POGLUT3: variants seen among roughly 807,000 people sequenced by gnomAD.
The protein encoded by POGLUT3 is protein O-glucosyltransferase 3.
In POGLUT3, 48 loss-of-function variants were observed where a neutral mutation model predicts 54.3. That is an observed-to-expected ratio of 0.88 (90% CI 0.70 to 1.12). The LOEUF (loss-of-function observed/expected upper bound fraction) is 1.12. POGLUT3 is among the 50% of genes most tolerant of loss of function. The pLI is 0.00. For synonymous variants in POGLUT3, 218 were observed against 237.4 expected (o/e 0.92, Z 0.75); for missense variants, 629 against 618.7 (o/e 1.02, Z -0.18).
chr11:108,487,225 C>A (rs1228531904), intron 2 of POGLUT3, among the ~76,000 whole-genome samples: 1 of 151,816 alleles, frequency 6.6e-6, no homozygotes, highest in African/African-American at 2.4e-5. Context: ...CCACCCCCAC[C>A]CCTTCCAGTT....
At chr11:108,485,353 A>G (rs544751785) in intron 3 of POGLUT3, among the ~76,000 whole-genome samples, 1 of 152,282 alleles carries the variant, frequency 6.6e-6, no homozygotes, top group East Asian at 1.9e-4. Flanking sequence ...GCCTCTTGAC[A>G]TGGTTGTGCA....
At chr11:108,483,176 T>C (rs935937921) in intron 3 of POGLUT3, among the ~76,000 whole-genome samples, 3 of 152,246 alleles carry the variant, frequency 2.0e-5, no homozygotes, top group South Asian at 4.1e-4. Flanking sequence ...CTTAAGCCTA[T>C]GGCACAAGAT....
At chr11:108,495,094 A>C (rs1402742149) in intron 1 of POGLUT3, among the ~76,000 whole-genome samples, 1 of 152,220 alleles carries the variant, frequency 6.6e-6, no homozygotes, top group Non-Finnish European at 1.5e-5. Context: ...ATGTAGCATA[A>C]TAGTGGCATT....
At chr11:108,487,198 C>A (rs1053219702) in intron 2 of POGLUT3, among the ~76,000 whole-genome samples, 1 of 151,236 alleles carries the variant, frequency 6.6e-6, no homozygotes, top group Non-Finnish European at 1.5e-5. Flanking sequence ...CTGGAAGCTA[C>A]CCCCAACCCC....
chr11:108,477,144 G>A (rs1188652339), intron 7 of POGLUT3, among the ~76,000 whole-genome samples: 2 of 152,162 alleles, frequency 1.3e-5, no homozygotes, highest in East Asian at 3.8e-4. Context: ...GCTCACACCT[G>A]TATCCCAGCA....
In POGLUT3 at chr11:108,498,369, T is replaced by C; in HGVS notation, c.-3A>G. 7.6e-7 allele frequency: 1 copy of C among 1,307,190 alleles called. No individual in the cohort carries two copies. Among genetic ancestry groups the C allele is most frequent in the South Asian group, 2.4e-5 (1 of 41,790 alleles). The allele number at this position is 1,307,190 out of a possible 1,614,324, so 81.0% of individuals were successfully genotyped here. A position where few individuals can be genotyped will look rare whatever the true frequency, so the allele number is the denominator to read the frequency against. On this transcript the variant is annotated 5_prime_UTR_variant, in exon 1 of 8. Transcript: ENST00000323468. ...AGGGCCCGCGGGAGGCGGCGCATGG[T>C]CGGCGGGGCACAACTGCGGTCCAGC...
intron 7 of POGLUT3, among the ~76,000 whole-genome samples, chr11:108,476,787 A>ACATATTTCT (rs2093582783): frequency 6.6e-6 from 1 of 152,208 alleles, no homozygotes; most frequent in Admixed American, 6.5e-5. Flanking sequence ...GAACTGTTAT[A>ACATATTTCT]CATATTTCTC....
At position 108,486,360 on chromosome 11, in the gene POGLUT3, G is replaced by C. The variant is rs1162059581; in HGVS notation, c.481C>G (p.Pro161Ala). The stretch of plus-strand genomic sequence containing the variant: ...GAAGCAAAATCTTTTGCAATCTGTG[G>C]TTCCTTGGTTGGACAAGAAAGAGTC... ...QKTLSCPTKE[P>A]QIAKDFASFP... The change falls in exon 3 of 8, where the codon CCA becomes GCA. Residue 161 changes from proline to alanine, a missense_variant. Pro to Ala is a conservative substitution (Grantham distance 27). Transcript: ENST00000323468. 3 of 1,614,130 alleles carry C rather than the reference G, an allele frequency of 1.9e-6. No homozygotes were observed. In the Admixed American group the frequency reaches 5.0e-5, roughly 27 times the overall value.
intron 2 of POGLUT3, among the ~76,000 whole-genome samples, chr11:108,489,428 C>G (rs76541650): frequency 1.2e-3 from 178 of 152,188 alleles, no homozygotes; most frequent in African/African-American, 4.1e-3. Flanking sequence ...CACCAAGGCA[C>G]ATAATAATCA....
chr11:108,491,924 C>A (rs2093614084), intron 1 of POGLUT3, among the ~76,000 whole-genome samples: 1 of 152,202 alleles, frequency 6.6e-6, no homozygotes, highest in East Asian at 1.9e-4. Context: ...ATAAAACACA[C>A]ACAAGCTTTC....
chr11:108,481,175 C>T lies in POGLUT3; in HGVS notation c.1098+5G>A. On this transcript the variant is annotated splice_donor_5th_base_variant and intron_variant, in intron 5 of 7. Transcript: ENST00000323468. ...ATATCCATAGAAGAAGACTCAAATGCATACCTTAAAGAAATCAAAGAAACC... is the reference window on the plus strand; with the variant it reads ...ATATCCATAGAAGAAGACTCAAATGTATACCTTAAAGAAATCAAAGAAACC... 1 of 1,595,302 alleles carries T rather than the reference C, an allele frequency of 6.3e-7. No individual in the cohort carries two copies. Among genetic ancestry groups the T allele is most frequent in the South Asian group, 1.1e-5 (1 of 87,220 alleles).
chr11:108,486,620 C>T, intron 2 of POGLUT3, 180 bp from the exon 3 acceptor site: 1 of 629,120 alleles, frequency 1.6e-6, no homozygotes, highest in Non-Finnish European at 2.7e-6. Flanking sequence ...CTTTTCACAC[C>T]ACCTTGGATA....
At chr11:108,497,491 A>G (rs767071008) in intron 1 of POGLUT3, among the ~76,000 whole-genome samples, 1 of 152,226 alleles carries the variant, frequency 6.6e-6, no homozygotes, top group Non-Finnish European at 1.5e-5. Context: ...AACCAGCAGG[A>G]CAAGTTTTAA....
At chr11:108,477,935 G>C (rs1392351258) in intron 6 of POGLUT3, 1 of 524,096 alleles carries the variant, frequency 1.9e-6, no homozygotes, top group South Asian at 2.3e-5. Flanking sequence ...GATCACTTAA[G>C]GTCAAGAGTT....
rs1386236688 is a variant in POGLUT3, at chr11:108,473,616, C to T, written c.*1211G>A. On this transcript the variant is annotated 3_prime_UTR_variant, in exon 8 of 8. Coordinates refer to ENST00000323468, the MANE Select transcript of POGLUT3 (RefSeq NM_153705.5). ...TTCTTGGCCTATTATTAGTGAATCC[C>T]AAGATAGCAGGCTTCCTGAAGATTG... 6.6e-6 allele frequency: 1 copy of T among 152,166 alleles called. No homozygotes were observed. The highest frequency in any genetic ancestry group is 1.5e-5 in the Non-Finnish European group (1 of 68,022). 9.4% of individuals were successfully genotyped at this position (152,166 alleles called of 1,614,324 possible). A position where few individuals can be genotyped will look rare whatever the true frequency, so the allele number is the denominator to read the frequency against.
At position 108,494,239 on chromosome 11, in the gene POGLUT3, G is replaced by A. The variant is rs532752358; in HGVS notation, c.203-3072C>T. On this transcript the variant is annotated intron_variant, in intron 1 of 7. Transcript: ENST00000323468. ...GTTGGAGGAATACTTCTGGCACTTC[G>A]GATACAATGGAGTCATCTCCTCCTC... Among the ~76,000 whole-genome samples the A allele has an allele frequency of 3.9e-5, 6 of 152,246 alleles. No homozygotes were observed. The East Asian group carries it at 1.2e-3, about 29-fold the overall frequency.
Position 108,481,349 on chromosome 11 carries a change from C to G in POGLUT3, c.929G>C (p.Arg310Thr), listed in dbSNP as rs757596121. 1.3e-6 allele frequency: 2 copies of G among 1,586,062 alleles called. No homozygotes were observed. The highest frequency in any genetic ancestry group is 2.3e-5 in the East Asian group (1 of 44,340). ...TGPSWINKTE[R>T]AFFRGRDSRE... ...GCTGTCTCTACCTCTGAAGAAAGCTCTCTCTGTTTTATTGATCCAGGAAGG... is the reference window on the plus strand; with the variant it reads ...GCTGTCTCTACCTCTGAAGAAAGCTGTCTCTGTTTTATTGATCCAGGAAGG... The change falls in exon 5 of 8, where the codon AGA becomes ACA. Residue 310 changes from arginine to threonine, a missense_variant. Arg to Thr is a moderately conservative substitution (Grantham distance 71). Coordinates refer to ENST00000323468, the MANE Select transcript of POGLUT3 (RefSeq NM_153705.5).
chr11:108,497,751 C>G (rs996588167), intron 1 of POGLUT3, among the ~76,000 whole-genome samples: 1 of 152,234 alleles, frequency 6.6e-6, no homozygotes, highest in Non-Finnish European at 1.5e-5. Context: ...TCCAAACCCA[C>G]CAGGCCTAAG....
Position 108,486,432 on chromosome 11 carries a change from ACACTGGTC to A in POGLUT3, c.401_408del (p.Gly134ValfsTer3). ...TCCGGACACTCACAGTACTCATGGT[ACACTGGTC>A]CTAGGGAAGGAAAACATGAAAAAGG... On this transcript the variant is annotated frameshift_variant and splice_region_variant, in exon 3 of 8. Transcript: ENST00000323468. LOFTEE classifies it high-confidence loss of function. The A allele has an allele frequency of 6.2e-7, 1 of 1,613,380 alleles. No individual in the cohort carries two copies. The highest frequency in any genetic ancestry group is 8.5e-7 in the Non-Finnish European group (1 of 1,179,446).
Sources: gnomAD v4.1 joint callset for allele counts (sites outside exome capture counted in the v4.1 genomes callset) on GRCh38, gnomAD v4.1.1 for gene constraint, MANE v1.5 for transcripts, NCBI Gene and HGNC (gene_info 2026-07-23, HGNC 2026-07-21) for gene names.